The following CAND1 variants were observed in gnomAD, a reference collection of about 807,000 sequenced individuals.
CAND1 encodes the protein cullin-associated NEDD8-dissociated protein 1.
In CAND1, 7 loss-of-function variants were observed where a neutral mutation model predicts 108.5. That is an observed-to-expected ratio of 0.06 (90% CI 0.04 to 0.12). The LOEUF is 0.12. Among genes scored for constraint, CAND1 ranks in the 10% least tolerant of loss-of-function variants. The pLI, the probability that CAND1 is intolerant of heterozygous loss-of-function variation, is 1.00. For synonymous variants in CAND1, 534 were observed against 512.0 expected (o/e 1.04, Z -0.58); for missense variants, 941 against 1,448.7 (o/e 0.65, Z 5.69).
At chr12:67,278,146 T>C (rs3861890) in intron 1 of CAND1, among the ~76,000 whole-genome samples, 73,397 of 152,006 alleles carry the variant, frequency 0.48, 19,240 homozygotes, top group Non-Finnish European at 0.59. Context: ...CTACTCTTTA[T>C]TTATTTTTGA....
Position 67,269,980 on chromosome 12 carries a change from C to A in CAND1, c.68+195C>A, listed in dbSNP as rs1011784953. On this transcript the variant is annotated intron_variant, in intron 1 of 14. Coordinates refer to ENST00000545606, the MANE Select transcript of CAND1 (RefSeq NM_018448.5). ...CTCCCCTCTTGCAACCCCCTCCCCCCATTCTTTCTCCTAGGCAGTTGCCCG... is the reference window on the plus strand; with the variant it reads ...CTCCCCTCTTGCAACCCCCTCCCCCAATTCTTTCTCCTAGGCAGTTGCCCG... The A allele has an allele frequency of 1.1e-5, 6 of 548,170 alleles. No individual in the cohort carries two copies. In the East Asian group the frequency reaches 1.4e-4, roughly 12 times the overall value. The allele number at this position is 548,170 out of a possible 1,614,324, so 34.0% of individuals were successfully genotyped here. A position where few individuals can be genotyped will look rare whatever the true frequency, so the allele number is the denominator to read the frequency against.
chr12:67,302,206 T>C (rs545610354), intron 7 of CAND1, 117 bp from the exon 8 acceptor site: 4 of 832,720 alleles, frequency 4.8e-6, no homozygotes, highest in African/African-American at 1.7e-5. Flanking sequence ...TGTTGCTGTA[T>C]ATGTTACCGG....
intron 1 of CAND1, 190 bp downstream of exon 1, chr12:67,269,975 C>G (rs1253025485): frequency 3.6e-6 from 2 of 548,988 alleles, no homozygotes; most frequent in Non-Finnish European, 6.4e-6. Flanking sequence ...GCAACCCCCT[C>G]CCCCCATTCT....
intron 1 of CAND1, 195 bp downstream of exon 1, chr12:67,269,980 C>G (rs1011784953): frequency 1.8e-6 from 1 of 548,288 alleles, no homozygotes; most frequent in South Asian, 2.5e-5. Flanking sequence ...CCCCTCCCCC[C>G]ATTCTTTCTC....
Position 67,310,206 on chromosome 12 carries a change from G to A in CAND1, c.3250G>A (p.Ala1084Thr). Residue 1084 changes from alanine (A) to threonine (T), a missense_variant, in exon 13 of 15, where the codon GCA becomes ACA. Ala to Thr is a moderately conservative substitution (Grantham distance 58, BLOSUM62 0). Transcript: ENST00000545606. ...TVDDGLDIRKAAFECMYTLLD... is the reference protein window; with the variant it reads ...TVDDGLDIRKTAFECMYTLLD... ...TGATGATGGTCTGGATATTAGAAAG[G>A]CAGCATTTGAGTGTATGTACACACT... The A allele has an allele frequency of 6.2e-7, 1 of 1,613,056 alleles. No individual in the cohort carries two copies. Among genetic ancestry groups the A allele is most frequent in the Non-Finnish European group, 8.5e-7 (1 of 1,179,266 alleles).
chr12:67,274,046 C>G (rs566580029), intron 1 of CAND1, among the ~76,000 whole-genome samples: 1 of 152,072 alleles, frequency 6.6e-6, no homozygotes, highest in Non-Finnish European at 1.5e-5. Context: ...CTCTTTACCC[C>G]CAGAACATGA....
At chr12:67,291,136 A>G (rs568869892) in intron 2 of CAND1, among the ~76,000 whole-genome samples, 115 of 152,236 alleles carry the variant, frequency 7.6e-4, no homozygotes, top group African/African-American at 2.4e-3. Context: ...AATCTATGGG[A>G]AGAACACAAA....
chr12:67,291,467 T>C (rs2044721202), intron 2 of CAND1, among the ~76,000 whole-genome samples: 1 of 152,198 alleles, frequency 6.6e-6, no homozygotes, highest in Admixed American at 6.5e-5. Context: ...TTTAGTGTCC[T>C]TTATCTGAAA....
chr12:67,283,863 A>C (rs1164798938), intron 2 of CAND1, among the ~76,000 whole-genome samples: 1 of 152,136 alleles, frequency 6.6e-6, no homozygotes, highest in Non-Finnish European at 1.5e-5. Flanking sequence ...TTGATATTTT[A>C]TATTTATAGT....
At chr12:67,283,971 G>A in intron 2 of CAND1, among the ~76,000 whole-genome samples, 1 of 152,138 alleles carries the variant, frequency 6.6e-6, no homozygotes, top group East Asian at 1.9e-4. Context: ...AATAATCTAA[G>A]AGCTGGGTCT....
chr12:67,306,559 A>T lies in CAND1; in HGVS notation c.2891A>T (p.Glu964Val). ...CLGKLTLIDP[E>V]TLLPRLKGYL... ...GGAAAACTCACTCTAATTGATCCAG[A>T]AACTCTCCTTCCACGGCTTAAGGGG... Residue 964 changes from glutamate (E) to valine (V), a missense_variant, in exon 10 of 15, where the codon GAA becomes GTA. Around this residue, in one of 9 missense-constraint regions of CAND1, gnomAD observed 106 missense variants for 182.0 expected, o/e 0.58. Coordinates refer to ENST00000545606, the MANE Select transcript of CAND1 (RefSeq NM_018448.5). The T allele has an allele frequency of 6.2e-7, 1 of 1,613,776 alleles. No homozygotes were observed. Among genetic ancestry groups the T allele is most frequent in the Non-Finnish European group, 8.5e-7 (1 of 1,179,778 alleles).
intron 1 of CAND1, among the ~76,000 whole-genome samples, chr12:67,281,511 C>T (rs1468961405): frequency 6.6e-6 from 1 of 152,036 alleles, no homozygotes; most frequent in Non-Finnish European, 1.5e-5. Context: ...ATTCAAATCT[C>T]ATGTAAAGAA....
chr12:67,292,858 G>C (rs1054553998), intron 3 of CAND1, 82 bp downstream of exon 3: 2 of 1,324,450 alleles, frequency 1.5e-6, no homozygotes, highest in African/African-American at 1.5e-5. Flanking sequence ...TCTGGCCAAG[G>C]AGGGAGGGAG....
Position 67,306,105 on chromosome 12 carries a change from G to C in CAND1, c.2437G>C (p.Glu813Gln), listed in dbSNP as rs750799293. ...VAALTRACPK[E>Q]GPAVVGQFIQ... ...TGCCCTTACTCGAGCATGCCCTAAA[G>C]AGGGACCAGCTGTAGTAGGTCAGTT... The change falls in exon 10 of 15, where the codon GAG (glutamate) becomes CAG (glutamine). Residue 813 changes from glutamate to glutamine, a missense_variant. Coordinates refer to ENST00000545606, the MANE Select transcript of CAND1 (RefSeq NM_018448.5). 5 of 1,614,152 alleles carry C rather than the reference G, an allele frequency of 3.1e-6. No homozygotes were observed. The highest frequency in any genetic ancestry group is 4.2e-6 in the Non-Finnish European group (5 of 1,180,000).
intron 2 of CAND1, among the ~76,000 whole-genome samples, chr12:67,284,234 TTTAAA>T (rs1226468556): frequency 2.6e-5 from 4 of 151,988 alleles, no homozygotes; most frequent in African/African-American, 9.7e-5. Context: ...CAGACTTTTA[TTTAAA>T]TTAAATACTG....
At position 67,319,325 on chromosome 12, in the gene CAND1, CCCTTG is replaced by C. The variant is rs2045038067; in HGVS notation, c.*6500_*6504del. On this transcript the variant is annotated 3_prime_UTR_variant, in exon 15 of 15. Transcript: ENST00000545606. ...TTCTTCTGACAACTATAAAATATTTCCCTTGCCTTCTCAAGTTTGCTCAAGGTCAA... is the reference window on the plus strand; with the variant it reads ...TTCTTCTGACAACTATAAAATATTTCCCTTCTCAAGTTTGCTCAAGGTCAA... The C allele has an allele frequency of 6.6e-6, 1 of 152,184 alleles. No homozygotes were observed. The highest frequency in any genetic ancestry group is 2.1e-4 in the South Asian group (1 of 4,832). The allele number at this position is 152,184 out of a possible 1,614,324, so 9.4% of individuals were successfully genotyped here. A position where few individuals can be genotyped will look rare whatever the true frequency, so the allele number is the denominator to read the frequency against.
chr12:67,311,974 A>G (rs1017270046), intron 14 of CAND1, among the ~76,000 whole-genome samples, 174 bp downstream of exon 14: 15 of 152,176 alleles, frequency 9.9e-5, no homozygotes, highest in Non-Finnish European at 2.1e-4. Flanking sequence ...GTTAACGGCT[A>G]TTCTTAAAAG....
In CAND1 at chr12:67,299,004, A is replaced by G. The variant is rs1459801326; in HGVS notation, c.909A>G (p.Lys303=). 1 of 1,517,276 alleles carries G rather than the reference A, an allele frequency of 6.6e-7. No individual in the cohort carries two copies. Among genetic ancestry groups the G allele is most frequent in the Non-Finnish European group, 9.1e-7 (1 of 1,093,800 alleles). 94.0% of individuals were successfully genotyped at this position (1,517,276 alleles called of 1,614,324 possible). ...HVSTIINICL[K]YLTYDPNYNY... ...CTACCATTATAAATATTTGTCTTAA[A>G]TATCTTACCTATGATCCAAATTATA... Residue 303 remains lysine (K), a synonymous_variant, in exon 7 of 15, where the codon AAA becomes AAG. Transcript: ENST00000545606.
intron 8 of CAND1, among the ~76,000 whole-genome samples, chr12:67,303,255 A>G (rs549397839): frequency 1.3e-5 from 2 of 152,342 alleles, no homozygotes; most frequent in African/African-American, 2.4e-5. Flanking sequence ...GCCCTATGGG[A>G]TGCACAAATA....
Sources: gnomAD v4.1 joint callset for allele counts (sites outside exome capture counted in the v4.1 genomes callset) on GRCh38, gnomAD v4.1.1 for gene constraint, gnomAD v4.1.1 regional missense constraint, MANE v1.5 for transcripts, NCBI Gene and HGNC (gene_info 2026-07-23, HGNC 2026-07-21) for gene names.